RAB38: variants seen among roughly 807,000 people sequenced by gnomAD.
RAB38 encodes RAB38, member RAS oncogene family, also known as ras-related protein Rab-38.
RAB38 carries 15 observed loss-of-function variants against 18.4 expected under a neutral mutation model. That is an observed-to-expected ratio of 0.82 (90% CI 0.55 to 1.26). RAB38 has a LOEUF of 1.26. RAB38 is among the 50% of genes most tolerant of loss of function. RAB38 has a pLI of 0.00. For missense variants in RAB38, 294 were observed against 267.4 expected (o/e 1.10, Z -0.69); for synonymous variants, 101 against 104.4 (o/e 0.97, Z 0.20).
the RAB38 span, among the ~76,000 whole-genome samples, chr11:88,051,850 G>T: frequency 6.6e-6 from 1 of 152,156 alleles, no homozygotes. Flanking sequence ...AGGGCTGGGC[G>T]CAGTGGCTCA....
chr11:87,942,028 T>A, the RAB38 span, among the ~76,000 whole-genome samples: 1 of 152,222 alleles, frequency 6.6e-6, no homozygotes, highest in Admixed American at 6.5e-5. Context: ...CTGTGGCCTG[T>A]AACTTTCTCA....
chr11:87,973,586 C>A, the RAB38 span, among the ~76,000 whole-genome samples: 1 of 146,012 alleles, frequency 6.8e-6, no homozygotes, highest in Non-Finnish European at 1.6e-5. Flanking sequence ...AAGAGAGCTT[C>A]TGAAATGGCT....
the RAB38 span, among the ~76,000 whole-genome samples, chr11:87,923,774 C>T: frequency 9.2e-5 from 14 of 151,932 alleles, no homozygotes; most frequent in Admixed American, 8.6e-4. Context: ...CAAGGCACTG[C>T]ACAGATGCTG....
the RAB38 span, among the ~76,000 whole-genome samples, chr11:87,946,779 C>T: frequency 4.8e-3 from 669 of 138,558 alleles, 16 homozygotes; most frequent in Admixed American, 0.033. Flanking sequence ...TTTTCTTAAT[C>T]CAGGCTATCA....
At chr11:87,876,062 A>G in the RAB38 span, among the ~76,000 whole-genome samples, 2 of 151,564 alleles carry the variant, frequency 1.3e-5, no homozygotes, top group Non-Finnish European at 3.0e-5. Context: ...TGAACTTAGG[A>G]AGTTTGTCTC....
chr11:88,068,687 C>T, the RAB38 span, among the ~76,000 whole-genome samples: 1 of 152,324 alleles, frequency 6.6e-6, no homozygotes, highest in South Asian at 2.1e-4. Flanking sequence ...CATGACAAGT[C>T]AACTTTCTCA....
the RAB38 span, among the ~76,000 whole-genome samples, chr11:87,828,486 T>A: frequency 2.0e-5 from 3 of 152,212 alleles, no homozygotes. Flanking sequence ...GTTTGCATCC[T>A]TTCCTCCTGC....
the RAB38 span, among the ~76,000 whole-genome samples, chr11:87,861,637 A>G: frequency 6.6e-6 from 1 of 151,856 alleles, no homozygotes; most frequent in Non-Finnish European, 1.5e-5. Flanking sequence ...GTTTTGAGAA[A>G]GCCAAAATTT....
the RAB38 span, among the ~76,000 whole-genome samples, chr11:87,854,492 G>A: frequency 6.6e-6 from 1 of 152,028 alleles, no homozygotes; most frequent in African/African-American, 2.4e-5. Flanking sequence ...AACACATAAA[G>A]ATTTAGAATG....
chr11:88,045,167 C>T, the RAB38 span, among the ~76,000 whole-genome samples: 1 of 152,106 alleles, frequency 6.6e-6, no homozygotes, highest in African/African-American at 2.4e-5. Context: ...GGTCAGAAGG[C>T]CGTCTTATTC....
At chr11:87,933,052 TATCACGTATGGAGGTTC>T in the RAB38 span, among the ~76,000 whole-genome samples, 1 of 152,056 alleles carries the variant, frequency 6.6e-6, no homozygotes, top group East Asian at 1.9e-4. Context: ...CCACCCACAA[TATCACGTATGGAGGTTC>T]ATCTTAGAAC....
At chr11:87,964,608 A>G in the RAB38 span, among the ~76,000 whole-genome samples, 1 of 152,130 alleles carries the variant, frequency 6.6e-6, no homozygotes, top group Admixed American at 6.6e-5. Flanking sequence ...AGCCTATTTA[A>G]CAACCAATTA....
At chr11:87,943,877 C>T in the RAB38 span, among the ~76,000 whole-genome samples, 1 of 152,086 alleles carries the variant, frequency 6.6e-6, no homozygotes, top group African/African-American at 2.4e-5. Context: ...GTTGAGTATG[C>T]AAAAATGTAA....
the RAB38 span, among the ~76,000 whole-genome samples, chr11:88,034,602 T>A: frequency 6.6e-6 from 1 of 152,250 alleles, no homozygotes; most frequent in African/African-American, 2.4e-5. Context: ...TGGCTACTGA[T>A]GTTGAACATA....
chr11:88,027,450 G>A, the RAB38 span, among the ~76,000 whole-genome samples: 5 of 152,198 alleles, frequency 3.3e-5, no homozygotes, highest in Non-Finnish European at 5.9e-5. Context: ...CAAGGGGTCA[G>A]GGAGTTCCCT....
the RAB38 span, among the ~76,000 whole-genome samples, chr11:87,804,299 C>T: frequency 1.3e-5 from 2 of 152,052 alleles, no homozygotes; most frequent in Non-Finnish European, 2.9e-5. Flanking sequence ...TATGCATTGT[C>T]CTAGCATTAA....
the RAB38 span, among the ~76,000 whole-genome samples, chr11:87,853,657 G>A: frequency 6.6e-6 from 1 of 152,122 alleles, no homozygotes; most frequent in African/African-American, 2.4e-5. Flanking sequence ...TGGCAGTAGT[G>A]GAAGATTGGG....
intron 1 of RAB38, 54 bp downstream of exon 1, chr11:88,175,129 T>A: frequency 6.7e-7 from 1 of 1,495,180 alleles, no homozygotes; most frequent in South Asian, 1.3e-5. Flanking sequence ...GCCTCGAGAC[T>A]GGAAACCGGC....
At chr11:88,038,795 A>G in the RAB38 span, among the ~76,000 whole-genome samples, 1 of 152,172 alleles carries the variant, frequency 6.6e-6, no homozygotes, top group African/African-American at 2.4e-5. Flanking sequence ...TAAATGGCTT[A>G]TTATTTTTAC....
Sources: gnomAD v4.1 joint callset for allele counts (sites outside exome capture counted in the v4.1 genomes callset) on GRCh38, gnomAD v4.1.1 for gene constraint, MANE v1.5 for transcripts, NCBI Gene and HGNC (gene_info 2026-07-23, HGNC 2026-07-21) for gene names.